Variants in FOXK1 observed in about 807,000 individuals in gnomAD.
FOXK1 encodes the protein forkhead box protein K1.
Under a neutral mutation model 51.9 loss-of-function variants are expected in FOXK1, and 19 were observed. The ratio of observed to expected loss-of-function variants is 0.37; its 90% confidence interval spans 0.26 to 0.54. The LOEUF is 0.54. FOXK1 is among the 20% of genes least tolerant of loss of function. The pLI, the probability that FOXK1 is intolerant of heterozygous loss-of-function variation, is 0.87. For missense variants in FOXK1, 870 were observed against 1,032.7 expected, an observed-to-expected ratio of 0.84 and a Z score of 2.16; for synonymous variants, 537 against 482.6, an observed-to-expected ratio of 1.11 and a Z score of -1.48.
chr7:4,706,018 ATATACGTGTATATACGTGTATATACGTG>A (rs1780094406), intron 1 of FOXK1, among the ~76,000 whole-genome samples: 1 of 107,416 alleles, frequency 9.3e-6, no homozygotes, highest in African/African-American at 6.9e-5. Context: ...ATATACGTAT[ATATACGTGTATATACGTGTATATACGTG>A]TATATATGTA....
chr7:4,746,035 G>A (rs1479481588), intron 2 of FOXK1, among the ~76,000 whole-genome samples: 1 of 152,198 alleles, frequency 6.6e-6, no homozygotes, highest in Non-Finnish European at 1.5e-5. Context: ...TTCAGTGAAA[G>A]GACATTGCAC....
Position 4,708,797 on chromosome 7 carries a change from G to A in FOXK1, c.560+25929G>A, listed in dbSNP as rs1562374178. Among the ~76,000 whole-genome samples the A allele has an allele frequency of 3.3e-5, 5 of 152,300 alleles. No homozygotes were observed. In the South Asian group the frequency reaches 1.0e-3, roughly 32 times the overall value. ...GAGGCTGGTAAGGCCGGGCTTGGTG[G>A]CTCACGCCTGTAATCCCAGCACTTT... On this transcript the variant is annotated intron_variant, in intron 1 of 8. Transcript: ENST00000328914.
chr7:4,696,941 T>C (rs1339891652), intron 1 of FOXK1, among the ~76,000 whole-genome samples: 1 of 152,030 alleles, frequency 6.6e-6, no homozygotes, highest in Non-Finnish European at 1.5e-5. Context: ...GGTGGTGTGC[T>C]CCTGTAGTCC....
chr7:4,744,566 T>A (rs1780676776), intron 2 of FOXK1, among the ~76,000 whole-genome samples: 1 of 152,258 alleles, frequency 6.6e-6, no homozygotes, highest in Non-Finnish European at 1.5e-5. Context: ...ATCGCGTTGC[T>A]GCCCAGGTCA....
In FOXK1 at chr7:4,682,822, G is replaced by C. The variant is rs758828253; in HGVS notation, c.514G>C (p.Gly172Arg). The change falls in exon 1 of 9, where the codon GGG becomes CGG. Residue 172 changes from glycine to arginine, a missense_variant. By Grantham distance (125) the Gly-to-Arg change is moderately radical. Transcript: ENST00000328914. This position sits in a 1 kb window ranked among gnomAD's most constrained non-coding sequence, Gnocchi z 7.6. Reference protein sequence around the residue: ...CLGKNGVFVDGAFQRRGAPAL... With the variant: ...CLGKNGVFVDRAFQRRGAPAL... ...CGGCAAGAACGGCGTCTTCGTGGAC[G>C]GGGCCTTCCAGAGACGCGGCGCGCC... 7 of 1,574,888 alleles carry C rather than the reference G, an allele frequency of 4.4e-6. No homozygotes were observed. In the Admixed American group the frequency reaches 5.1e-5, roughly 12 times the overall value.
At chr7:4,689,127 A>G (rs1779858840) in intron 1 of FOXK1, among the ~76,000 whole-genome samples, 2 of 151,794 alleles carry the variant, frequency 1.3e-5, no homozygotes, top group African/African-American at 4.8e-5. Context: ...ACAGGCATCC[A>G]CCACCACGCC....
At chr7:4,704,128 G>T (rs1004516222) in intron 1 of FOXK1, among the ~76,000 whole-genome samples, 1 of 152,078 alleles carries the variant, frequency 6.6e-6, no homozygotes, top group Non-Finnish European at 1.5e-5. Flanking sequence ...TTCATTTAAA[G>T]GTGAAAGATT....
rs1178867797 is a variant in FOXK1 at position 4,730,082 on chromosome 7, A to G, written c.561-10756A>G. Among the ~76,000 whole-genome samples, 2 of 152,220 alleles carry G rather than the reference A, an allele frequency of 1.3e-5. No homozygotes were observed. Among genetic ancestry groups the G allele is most frequent in the South Asian group, 4.1e-4 (2 of 4,830 alleles). On this transcript the variant is annotated intron_variant, in intron 1 of 8. Transcript: ENST00000328914. This position sits in a 1 kb window ranked among gnomAD's most constrained non-coding sequence, Gnocchi z 4.7. ...TTTCACCGCGTGTCACCGACTCAGCATATGGGCTTGAGTATCTCGCTGTCT... is the reference window on the plus strand; with the variant it reads ...TTTCACCGCGTGTCACCGACTCAGCGTATGGGCTTGAGTATCTCGCTGTCT...
chr7:4,699,285 G>GTT (rs1180572340), intron 1 of FOXK1, among the ~76,000 whole-genome samples: 159 of 130,366 alleles, frequency 1.2e-3, no homozygotes, highest in African/African-American at 3.7e-3. Context: ...CACAGGGTTA[G>GTT]TTTTTTTTTT....
At chr7:4,746,812 T>A (rs1780708403) in intron 2 of FOXK1, among the ~76,000 whole-genome samples, 1 of 152,228 alleles carries the variant, frequency 6.6e-6, no homozygotes, top group Non-Finnish European at 1.5e-5. Flanking sequence ...GCCTGGCTGA[T>A]CTGGGCTGGC....
chr7:4,757,794 A>G (rs1036818219), intron 5 of FOXK1, among the ~76,000 whole-genome samples: 2 of 152,072 alleles, frequency 1.3e-5, no homozygotes, highest in Non-Finnish European at 2.9e-5. Flanking sequence ...TGCAAATGCG[A>G]CACCATTTCT....
chr7:4,705,067 GGTGAT>G (rs1780065866), intron 1 of FOXK1, among the ~76,000 whole-genome samples: 1 of 151,958 alleles, frequency 6.6e-6, no homozygotes. Flanking sequence ...CCTGACCTCA[GGTGAT>G]CTGCCCGCAG....
chr7:4,717,992 T>TCC (rs988611164), intron 1 of FOXK1, among the ~76,000 whole-genome samples: 2 of 151,962 alleles, frequency 1.3e-5, no homozygotes, highest in African/African-American at 4.8e-5. Context: ...GGTTTTTTAC[T>TCC]CCCCCTGTGT....
rs1261945346 is a variant in FOXK1 at position 4,715,510 on chromosome 7, C to T, written c.561-25328C>T. Among the ~76,000 whole-genome samples, 3 of 152,196 alleles carry T rather than the reference C, an allele frequency of 2.0e-5. No homozygotes were observed. The highest frequency in any genetic ancestry group is 2.9e-5 in the Non-Finnish European group (2 of 68,034). On this transcript the variant is annotated intron_variant, in intron 1 of 8. Coordinates refer to ENST00000328914, the MANE Select transcript of FOXK1 (RefSeq NM_001037165.2). The surrounding 1 kb of genome is among the most constrained non-coding windows in gnomAD (Gnocchi z 4.5). ...GGCGGTAGGAGCTGGAATGCCCGAG[C>T]TCTGAGAAGCTCTTCATCTATCAGC...
chr7:4,762,380 G>T lies in FOXK1; in HGVS notation c.2118G>T (p.Arg706=). The change falls in exon 9 of 9, where the codon CGG becomes CGT. Residue 706 remains arginine (R), a synonymous_variant. Transcript: ENST00000328914. The surrounding 1 kb of genome is among the most constrained non-coding windows in gnomAD (Gnocchi z 5.7). The part of the protein sequence containing the change: ...STGEPEVKRS[R]VEEPSGAVTT... ...GAGAGCCCGAGGTCAAAAGGTCCCG[G>T]GTGGAGGAGCCCAGTGGTGCTGTAA... is the stretch of plus-strand genomic sequence containing the variant. The T allele has an allele frequency of 6.5e-7, 1 of 1,550,102 alleles. No individual in the cohort carries two copies. The highest frequency in any genetic ancestry group is 8.7e-7 in the Non-Finnish European group (1 of 1,147,110).
In FOXK1 at chr7:4,758,989, G is replaced by C. The variant is rs989078117; in HGVS notation, c.1245-62G>C. 8.0e-6 allele frequency: 12 copies of C among 1,505,790 alleles called. No homozygotes were observed. The highest frequency in any genetic ancestry group is 2.1e-4 in the Middle Eastern group (1 of 4,666). The allele number at this position is 1,505,790 out of a possible 1,614,324, so 93.3% of individuals were successfully genotyped here. A position where few individuals can be genotyped will look rare whatever the true frequency, so the allele number is the denominator to read the frequency against. On this transcript the variant is annotated intron_variant, in intron 5 of 8. Coordinates refer to ENST00000328914, the MANE Select transcript of FOXK1 (RefSeq NM_001037165.2). This position sits in a 1 kb window ranked among gnomAD's most constrained non-coding sequence, Gnocchi z 4.4. ...ACGGCGCTGAGATGCGTGATGTCTC[G>C]GAAACGTCCTCGCATCCCTCAGCGC...
At chr7:4,728,730 G>GAAAAAAAAAA (rs67143977) in intron 1 of FOXK1, among the ~76,000 whole-genome samples, 24 of 103,718 alleles carry the variant, frequency 2.3e-4, no homozygotes, top group South Asian at 3.4e-4. Flanking sequence ...GTCTCTTTTT[G>GAAAAAAAAAA]AAAAAAAAAA....
At position 4,723,348 on chromosome 7, in the gene FOXK1, G is replaced by A. The variant is rs1780339213; in HGVS notation, c.561-17490G>A. On this transcript the variant is annotated intron_variant, in intron 1 of 8. Transcript: ENST00000328914. This position sits in a 1 kb window ranked among gnomAD's most constrained non-coding sequence, Gnocchi z 4.7. Reference sequence around the variant, plus strand: ...TTGGTAAATACTGCCTGAAAACATTGGCTTAATTTGTCTTCTCAAAGCTGT... The same window carrying A: ...TTGGTAAATACTGCCTGAAAACATTAGCTTAATTTGTCTTCTCAAAGCTGT... 6.6e-6 allele frequency among the ~76,000 whole-genome samples: 1 copy of A among 151,968 alleles called. No individual in the cohort carries two copies. The highest frequency in any genetic ancestry group is 2.4e-5 in the African/African-American group (1 of 41,374).
At position 4,754,500 on chromosome 7, in the gene FOXK1, C is replaced by G; in HGVS notation, c.788C>G (p.Ser263Cys). 1 of 1,613,152 alleles carries G rather than the reference C, an allele frequency of 6.2e-7. No individual in the cohort carries two copies. Among genetic ancestry groups the G allele is most frequent in the Non-Finnish European group, 8.5e-7 (1 of 1,180,036 alleles). The change falls in exon 3 of 9, where the codon TCC (serine) becomes TGC (cysteine). Residue 263 changes from serine (S) to cysteine (C), a missense_variant. Coordinates refer to ENST00000328914, the MANE Select transcript of FOXK1 (RefSeq NM_001037165.2). The part of the protein sequence containing the change: ...SCPASPRGAG[S>C]SSYRFVQNVT... ...CCAGCCAGTCCACGCGGTGCCGGCT[C>G]CTCCAGTTACCGCTTTGTGCAGAAC...
Sources: gnomAD v4.1 joint callset for allele counts (sites outside exome capture counted in the v4.1 genomes callset) on GRCh38, gnomAD v4.1.1 for gene constraint, Gnocchi (gnomAD v3.1) non-coding constraint, MANE v1.5 for transcripts, NCBI Gene and HGNC (gene_info 2026-07-23, HGNC 2026-07-21) for gene names.